MEP1A: variants seen among roughly 807,000 people sequenced by gnomAD.
The protein encoded by MEP1A is meprin A subunit alpha.
Under a neutral mutation model 84.5 loss-of-function variants are expected in MEP1A, and 68 were observed. The observed-to-expected ratio is 0.80, with a 90% CI of 0.66 to 0.98. MEP1A has a LOEUF of 0.98. MEP1A is among the 50% of genes least tolerant of loss of function. MEP1A has a pLI of 0.00. For missense variants in MEP1A, 887 were observed against 919.9 expected (o/e 0.96, Z 0.46); for synonymous variants, 337 against 336.8 (o/e 1.00, Z -0.01).
chr6:46,839,129 G>A lies in MEP1A; in HGVS notation c.2234G>A (p.Arg745Lys), dbSNP rs1221293667. 4.3e-6 allele frequency: 7 copies of A among 1,612,210 alleles called. No individual in the cohort carries two copies. Among genetic ancestry groups the A allele is most frequent in the Non-Finnish European group, 5.1e-6 (6 of 1,179,626 alleles). The change falls in exon 14 of 14, where the codon AGG becomes AAG. Residue 745 changes from arginine to lysine, a missense_variant. By Grantham distance (26) the Arg-to-Lys change is conservative. Transcript: ENST00000230588. ...ATCGCCATCCTTTCCCAAAGGCCAA[G>A]GAAGTGACCTGCCTGCTGGCATTGG... is the stretch of plus-strand genomic sequence containing the variant. ...SIIAILSQRPRK is the reference protein window; with the variant it reads ...SIIAILSQRPKK
rs551472634 is a variant in MEP1A at position 46,829,692 on chromosome 6, C to A, written c.1144+121C>A. 2.1e-3 allele frequency: 1,468 copies of A among 712,632 alleles called. 11 individuals are homozygous for A. The highest frequency in any genetic ancestry group is 1.8e-3 in the Non-Finnish European group (707 of 402,750). 44.1% of individuals were successfully genotyped at this position (712,632 alleles called of 1,614,324 possible). On this transcript the variant is annotated intron_variant, in intron 10 of 13. Transcript: ENST00000230588. ...CTCTCTCCTCCTCCTTTTCCTCCAC[C>A]CACTTTCTTCTCTTCTCAGAGCCTA...
At chr6:46,812,772 G>A (rs1171797180) in intron 6 of MEP1A, among the ~76,000 whole-genome samples, 2 of 152,014 alleles carry the variant, frequency 1.3e-5, no homozygotes, top group African/African-American at 4.8e-5. Context: ...CATTTGCATG[G>A]TTTTGAGGGT....
chr6:46,828,648 G>T (rs1375282741), intron 9 of MEP1A, among the ~76,000 whole-genome samples: 1 of 152,170 alleles, frequency 6.6e-6, no homozygotes, highest in Non-Finnish European at 1.5e-5. Context: ...TTACCAAACG[G>T]TACATTTGTT....
At chr6:46,815,901 C>CA (rs1767623244) in intron 6 of MEP1A, among the ~76,000 whole-genome samples, 4 of 152,194 alleles carry the variant, frequency 2.6e-5, no homozygotes, top group Admixed American at 2.6e-4. Context: ...CCTAACTTAC[C>CA]TGAGTAGTTA....
At position 46,833,091 on chromosome 6, in the gene MEP1A, T is replaced by C; in HGVS notation, c.1162T>C (p.Trp388Arg). ...QTFQGDDDHNWKIAHVVLKEE... is the reference protein window; with the variant it reads ...QTFQGDDDHNRKIAHVVLKEE... ...GTCCTCAGGAGATGATGACCACAAT[T>C]GGAAAATTGCCCATGTGGTGCTCAA... is the stretch of plus-strand genomic sequence containing the variant. The change falls in exon 11 of 14, where the codon TGG becomes CGG. Residue 388 changes from tryptophan (W) to arginine (R), a missense_variant. Physicochemically the swap from Trp to Arg is moderately radical, Grantham distance 101. Coordinates refer to ENST00000230588, the MANE Select transcript of MEP1A (RefSeq NM_005588.3). 5 of 1,525,416 alleles carry C rather than the reference T, an allele frequency of 3.3e-6. No homozygotes were observed. Among genetic ancestry groups the C allele is most frequent in the Non-Finnish European group, 4.4e-6 (5 of 1,140,192 alleles). 94.5% of individuals were successfully genotyped at this position (1,525,416 alleles called of 1,614,324 possible).
Position 46,795,974 on chromosome 6 carries a change from A to G in MEP1A, c.145+2258A>G, listed in dbSNP as rs1581659690. On this transcript the variant is annotated intron_variant, in intron 3 of 13. Coordinates refer to ENST00000230588, the MANE Select transcript of MEP1A (RefSeq NM_005588.3). Reference sequence around the variant, plus strand: ...AGAATTAGCATCTTCATTTTGACAGACCCAAGTGGTTTCTATGCACATCAG... The same window carrying G: ...AGAATTAGCATCTTCATTTTGACAGGCCCAAGTGGTTTCTATGCACATCAG... 2.0e-5 allele frequency among the ~76,000 whole-genome samples: 3 copies of G among 152,180 alleles called. No homozygotes were observed. The East Asian group carries it at 5.8e-4, about 29-fold the overall frequency.
chr6:46,844,024 C>T (rs1207308838), downstream of MEP1A, among the ~76,000 whole-genome samples: 1 of 152,120 alleles, frequency 6.6e-6, no homozygotes, highest in African/African-American at 2.4e-5. Flanking sequence ...ACTTGGTTTT[C>T]TTTATTAGGT....
chr6:46,835,155 T>C, intron 12 of MEP1A, 94 bp from the exon 13 acceptor site: 8 of 1,139,890 alleles, frequency 7.0e-6, no homozygotes, highest in Non-Finnish European at 9.9e-6. Context: ...TGATGGGAGA[T>C]AGAAGCAGGC....
chr6:46,810,741 T>C (rs1048791392), intron 6 of MEP1A, among the ~76,000 whole-genome samples: 3 of 152,144 alleles, frequency 2.0e-5, no homozygotes, highest in African/African-American at 4.8e-5. Context: ...CCCCACTTTA[T>C]GTTTTTGTTT....
intron 3 of MEP1A, among the ~76,000 whole-genome samples, chr6:46,794,138 G>A (rs551333832): frequency 1.3e-5 from 2 of 152,262 alleles, no homozygotes; most frequent in East Asian, 1.9e-4. Flanking sequence ...TTGAGACTTA[G>A]GGGTGAGTGT....
downstream of MEP1A, chr6:46,839,930 G>C (rs1236450522): frequency 6.6e-6 from 1 of 151,686 alleles, no homozygotes; most frequent in African/African-American, 2.4e-5. Flanking sequence ...ACAAACTGAA[G>C]GTATCAGAGA....
chr6:46,793,565 C>T lies in MEP1A; in HGVS notation c.83C>T (p.Pro28Leu), dbSNP rs1233204281. The change falls in exon 2 of 14, where the codon CCT (proline) becomes CTT (leucine). Residue 28 changes from proline (P) to leucine (L), a missense_variant. Transcript: ENST00000230588. ...TATTTTTTTCAGATTAAGTATCTTC[C>T]TGAAGAAAATGGTAAGAATTAGTTC... is the stretch of plus-strand genomic sequence containing the variant. The part of the protein sequence containing the change: ...HIAAVPIKYL[P>L]EENVHDADFG... The T allele has an allele frequency of 6.4e-7, 1 of 1,550,766 alleles. No homozygotes were observed. Among genetic ancestry groups the T allele is most frequent in the South Asian group, 1.2e-5 (1 of 84,480 alleles).
chr6:46,808,765 C>A (rs1767421288), intron 5 of MEP1A, among the ~76,000 whole-genome samples: 1 of 151,978 alleles, frequency 6.6e-6, no homozygotes, highest in African/African-American at 2.4e-5. Context: ...TGCTTGGGTG[C>A]TGAGCTCGGG....
At chr6:46,800,902 A>G (rs1767185210) in intron 5 of MEP1A, among the ~76,000 whole-genome samples, 1 of 152,136 alleles carries the variant, frequency 6.6e-6, no homozygotes, top group South Asian at 2.1e-4. Context: ...GAACTCATAT[A>G]CCATAGTATT....
chr6:46,841,661 C>T (rs1214514962), downstream of MEP1A, among the ~76,000 whole-genome samples: 1 of 152,160 alleles, frequency 6.6e-6, no homozygotes, highest in Non-Finnish European at 1.5e-5. Context: ...GAGAATGTCT[C>T]ATGCTTCCCC....
chr6:46,811,812 G>A (rs1767504417), intron 6 of MEP1A, among the ~76,000 whole-genome samples: 1 of 151,948 alleles, frequency 6.6e-6, no homozygotes. Flanking sequence ...TGCATCCCTG[G>A]TATGAAACCC....
rs779203158 is a variant in MEP1A at position 46,798,666 on chromosome 6, GCAATAAGTTTCT to G, written c.186+23_186+34del. ...TTGCAGGTGAGTACCTGTCAATGATGCAATAAGTTTCTCAGGACAGGCAGTACCACTGGGTGT... is the reference window on the plus strand; with the variant it reads ...TTGCAGGTGAGTACCTGTCAATGATGCAGGACAGGCAGTACCACTGGGTGT... On this transcript the variant is annotated intron_variant, in intron 4 of 13. Transcript: ENST00000230588. The G allele has an allele frequency of 7.4e-6, 12 of 1,611,226 alleles. No individual in the cohort carries two copies. Among genetic ancestry groups the G allele is most frequent in the African/African-American group, 1.3e-5 (1 of 74,864 alleles).
chr6:46,845,213 G>T, the MEP1A span, among the ~76,000 whole-genome samples: 1 of 152,200 alleles, frequency 6.6e-6, no homozygotes, highest in Non-Finnish European at 1.5e-5. Context: ...ATGGAAGCAG[G>T]AATGTTGCAT....
chr6:46,801,359 C>A (rs985326391), intron 5 of MEP1A, among the ~76,000 whole-genome samples: 2 of 152,036 alleles, frequency 1.3e-5, no homozygotes, highest in African/African-American at 4.8e-5. Context: ...ATTTGCATTT[C>A]CCTAATGATT....
Sources: gnomAD v4.1 joint callset for allele counts (sites outside exome capture counted in the v4.1 genomes callset) on GRCh38, gnomAD v4.1.1 for gene constraint, MANE v1.5 for transcripts, NCBI Gene and HGNC (gene_info 2026-07-23, HGNC 2026-07-21) for gene names.